The following GRID1 variants were observed in gnomAD, a reference collection of about 807,000 sequenced individuals.
GRID1 encodes the protein glutamate receptor ionotropic, delta-1.
GRID1 carries 28 observed loss-of-function variants against 98.0 expected under a neutral mutation model. The ratio of observed to expected loss-of-function variants is 0.29; its 90% CI spans 0.21 to 0.39. The LOEUF is 0.39. Among genes scored for constraint, GRID1 ranks in the 10% least tolerant of loss-of-function variants. GRID1 has a pLI of 1.00. For synonymous variants in GRID1, 553 were observed against 538.5 expected (o/e 1.03, Z -0.37); for missense variants, 1,111 against 1,340.5 (o/e 0.83, Z 2.67).
chr10:86,018,024 C>T (rs950702042), intron 4 of GRID1, among the ~76,000 whole-genome samples: 2 of 152,134 alleles, frequency 1.3e-5, no homozygotes, highest in Non-Finnish European at 2.9e-5. Context: ...CTCTCCCAGG[C>T]ACTTCACACC....
chr10:85,760,095 A>T (rs1344478523), intron 8 of GRID1, among the ~76,000 whole-genome samples: 1 of 152,196 alleles, frequency 6.6e-6, no homozygotes, highest in African/African-American at 2.4e-5. Flanking sequence ...GCATTCTGAC[A>T]TCCATTTTTG....
In GRID1 at chr10:86,177,757, C is replaced by T. The variant is rs140854886; in HGVS notation, c.520+28607G>A. Reference sequence around the variant, plus strand: ...GCATGAGCGAGACAGTGTGTGCGTGCGTGTGTGTGCCTGTGTGTGCATGCA... The same window carrying T: ...GCATGAGCGAGACAGTGTGTGCGTGTGTGTGTGTGCCTGTGTGTGCATGCA... On this transcript the variant is annotated intron_variant, in intron 3 of 15. Transcript: ENST00000327946. 2.0e-3 allele frequency among the ~76,000 whole-genome samples: 299 copies of T among 151,548 alleles called. 2 individuals carry two copies. The highest frequency in any genetic ancestry group is 6.6e-3 in the African/African-American group (274 of 41,246).
chr10:86,030,424 T>C (rs2131892305), intron 4 of GRID1, among the ~76,000 whole-genome samples: 1 of 152,356 alleles, frequency 6.6e-6, no homozygotes, highest in Middle Eastern at 3.4e-3. Context: ...GAATGTTACT[T>C]GTATATTAAC....
chr10:85,919,469 G>A (rs1259288830), intron 4 of GRID1, among the ~76,000 whole-genome samples: 5 of 152,170 alleles, frequency 3.3e-5, no homozygotes, highest in Non-Finnish European at 7.3e-5. Flanking sequence ...AGAAGGAGAA[G>A]CTACAGCAGA....
chr10:86,283,526 A>G (rs986470944), intron 2 of GRID1, among the ~76,000 whole-genome samples: 1 of 150,150 alleles, frequency 6.7e-6, no homozygotes, highest in African/African-American at 2.5e-5. Context: ...GCTTGCCCAC[A>G]TGACACACAC....
chr10:85,898,884 T>C (rs1841335806), intron 5 of GRID1, among the ~76,000 whole-genome samples: 1 of 152,252 alleles, frequency 6.6e-6, no homozygotes, highest in African/African-American at 2.4e-5. Flanking sequence ...AAACCAATAG[T>C]ATAGTCGCCT....
chr10:85,729,414 G>T, intron 9 of GRID1, 99 bp downstream of exon 9: 1 of 676,830 alleles, frequency 1.5e-6, no homozygotes, highest in Non-Finnish European at 2.7e-6. Context: ...TACTCCTCAA[G>T]ATTCTCTTCT....
chr10:85,857,085 T>C (rs1843117555), intron 6 of GRID1, among the ~76,000 whole-genome samples: 1 of 152,150 alleles, frequency 6.6e-6, no homozygotes. Flanking sequence ...AGTGACGAGG[T>C]AACAGTGAGG....
chr10:86,064,753 A>G (rs1843696042), intron 4 of GRID1, among the ~76,000 whole-genome samples: 1 of 152,166 alleles, frequency 6.6e-6, no homozygotes, highest in South Asian at 2.1e-4. Flanking sequence ...TTCCCCACTC[A>G]GAGCATCTTA....
intron 8 of GRID1, among the ~76,000 whole-genome samples, chr10:85,821,172 T>A (rs1008036289): frequency 6.6e-6 from 1 of 151,924 alleles, no homozygotes; most frequent in Non-Finnish European, 1.5e-5. Context: ...AAGCAAATTA[T>A]ATATTATATT....
rs576940410 is a variant in GRID1 at position 86,096,390 on chromosome 10, T to C, written c.726+42429A>G. Among the ~76,000 whole-genome samples the C allele has an allele frequency of 2.0e-5, 3 of 152,308 alleles. No individual in the cohort carries two copies. In the East Asian group the frequency reaches 5.8e-4, roughly 29 times the overall value. ...GGAGTTGCCCACAACCACAGACTGT[T>C]CCAGCCCCACAAATGTTTCCATAGT... On this transcript the variant is annotated intron_variant, in intron 4 of 15. Coordinates refer to ENST00000327946, the MANE Select transcript of GRID1 (RefSeq NM_017551.3).
chr10:86,220,162 C>A (rs1343592321), intron 2 of GRID1, among the ~76,000 whole-genome samples: 1 of 152,222 alleles, frequency 6.6e-6, no homozygotes, highest in Non-Finnish European at 1.5e-5. Context: ...TTCATTCATT[C>A]ATTTACCAAT....
chr10:85,606,490 T>G (rs1420781284), intron 15 of GRID1: 2 of 152,204 alleles, frequency 1.3e-5, no homozygotes, highest in Admixed American at 6.5e-5. Context: ...TAAGAAAATG[T>G]GTATAACTGC....
chr10:85,841,346 A>C (rs1466361368), intron 8 of GRID1, among the ~76,000 whole-genome samples: 1 of 152,206 alleles, frequency 6.6e-6, no homozygotes, highest in Non-Finnish European at 1.5e-5. Context: ...ATATGGATTA[A>C]AAATTTATAT....
intron 2 of GRID1, among the ~76,000 whole-genome samples, chr10:86,231,161 G>T (rs1215308366): frequency 6.6e-6 from 1 of 152,324 alleles, no homozygotes; most frequent in East Asian, 1.9e-4. Context: ...TTTGCAAATG[G>T]CAGGAGACAT....
chr10:85,607,145 A>G (rs548240146), intron 15 of GRID1: 1 of 152,354 alleles, frequency 6.6e-6, no homozygotes, highest in East Asian at 1.9e-4. Context: ...ATTGTCTTGC[A>G]GAGATAAAGT....
At chr10:86,130,664 G>A (rs763797401) in intron 4 of GRID1, among the ~76,000 whole-genome samples, 1 of 152,180 alleles carries the variant, frequency 6.6e-6, no homozygotes, top group Non-Finnish European at 1.5e-5. Context: ...ATCCTACTGA[G>A]AGCCACTTCC....
At chr10:85,957,517 C>T (rs1842210505) in intron 4 of GRID1, among the ~76,000 whole-genome samples, 1 of 152,086 alleles carries the variant, frequency 6.6e-6, no homozygotes, top group African/African-American at 2.4e-5. Context: ...GGATAATCCC[C>T]CCAGACTACA....
intron 8 of GRID1, among the ~76,000 whole-genome samples, chr10:85,757,320 T>C (rs567931400): frequency 6.6e-6 from 1 of 152,360 alleles, no homozygotes; most frequent in South Asian, 2.1e-4. Context: ...CGAATGCTTA[T>C]ATGGCTACTG....
Sources: gnomAD v4.1 joint callset for allele counts (sites outside exome capture counted in the v4.1 genomes callset) on GRCh38, gnomAD v4.1.1 for gene constraint, MANE v1.5 for transcripts, NCBI Gene and HGNC (gene_info 2026-07-23, HGNC 2026-07-21) for gene names.